Variants in MAP4 observed in about 807,000 individuals in gnomAD.
MAP4 encodes microtubule associated protein 4.
MAP4 carries 76 observed loss-of-function variants against 170.2 expected under a neutral mutation model. The observed-to-expected ratio is 0.45, with a 90% confidence interval of 0.37 to 0.54. The LOEUF (loss-of-function observed/expected upper bound fraction) is 0.54. Ranked by LOEUF, MAP4 falls within the 20% of genes least tolerant of loss-of-function variation. The pLI is 0.00. For synonymous variants in MAP4, 909 were observed against 994.5 expected (o/e 0.91, Z 1.62); for missense variants, 2,506 against 2,748.0 (o/e 0.91, Z 1.97).
intron 17 of MAP4, 86 bp downstream of exon 17, chr3:47,867,160 T>C: frequency 1.1e-6 from 1 of 916,354 alleles, no homozygotes; most frequent in African/African-American, 1.7e-5. Context: ...ACTGGGATTC[T>C]ATCTACATGG....
chr3:47,913,845 C>T (rs1290273058), intron 8 of MAP4, among the ~76,000 whole-genome samples: 1 of 151,932 alleles, frequency 6.6e-6, no homozygotes, highest in African/African-American at 2.4e-5. Flanking sequence ...GAAAAGTAAA[C>T]AGAAAATCAA....
At chr3:47,860,567 A>C (rs1199085180) in intron 17 of MAP4, among the ~76,000 whole-genome samples, 1 of 152,092 alleles carries the variant, frequency 6.6e-6, no homozygotes, top group Non-Finnish European at 1.5e-5. Flanking sequence ...TATGCAATTA[A>C]AGAATAGTTG....
At position 48,015,391 on chromosome 3, in the gene MAP4, T is replaced by C. The variant is rs541490996; in HGVS notation, c.-20+943A>G. ...ATGACATTTAAATGACAGAGAATTC[T>C]AAAGCCAACACTAAGCTGCTATCCT... On this transcript the variant is annotated intron_variant, in intron 1 of 20. Coordinates refer to ENST00000683076, the MANE Select transcript of MAP4 (RefSeq NM_001385682.1). Among the ~76,000 whole-genome samples the C allele has an allele frequency of 4.1e-3, 619 of 152,324 alleles. 2 individuals carry two copies. The highest frequency in any genetic ancestry group is 7.1e-3 in the Non-Finnish European group (481 of 68,022).
chr3:47,989,330 C>G (rs2100090786), intron 2 of MAP4, among the ~76,000 whole-genome samples: 1 of 152,230 alleles, frequency 6.6e-6, no homozygotes. Context: ...TCATTATTAA[C>G]TAAATGATCA....
intron 1 of MAP4, among the ~76,000 whole-genome samples, chr3:48,034,108 T>C (rs572149485): frequency 6.6e-6 from 1 of 152,260 alleles, no homozygotes; most frequent in East Asian, 1.9e-4. Flanking sequence ...TTTCTACATA[T>C]CAGTAGTATT....
At chr3:47,958,777 A>G (rs777827620) in intron 3 of MAP4, among the ~76,000 whole-genome samples, 1 of 148,966 alleles carries the variant, frequency 6.7e-6, no homozygotes, top group Non-Finnish European at 1.5e-5. Flanking sequence ...TCCGCCTCCC[A>G]GGTTCAAGCA....
chr3:47,942,519 C>T (rs1305082393), intron 3 of MAP4, among the ~76,000 whole-genome samples: 2 of 152,130 alleles, frequency 1.3e-5, no homozygotes, highest in African/African-American at 4.8e-5. Flanking sequence ...CATCAGCTTC[C>T]CATGTAGCAG....
chr3:47,904,821 C>T (rs375474854), intron 9 of MAP4, among the ~76,000 whole-genome samples: 20 of 147,086 alleles, frequency 1.4e-4, no homozygotes, highest in African/African-American at 5.0e-4. Flanking sequence ...AGGCATGCAA[C>T]ATCATGCGTG....
intron 17 of MAP4, among the ~76,000 whole-genome samples, chr3:47,861,067 A>G (rs2064886364): frequency 6.6e-6 from 1 of 152,222 alleles, no homozygotes; most frequent in Non-Finnish European, 1.5e-5. Context: ...CTACTAAAAA[A>G]TACAAAAGTT....
chr3:48,018,816 TA>T (rs2100109129), upstream of MAP4, among the ~76,000 whole-genome samples: 1 of 151,624 alleles, frequency 6.6e-6, no homozygotes, highest in South Asian at 2.1e-4. Flanking sequence ...AAAATAAAAA[TA>T]AAAAAGAATA....
chr3:47,909,575 C>G lies in MAP4; in HGVS notation c.4846G>C (p.Gly1616Arg). The stretch of plus-strand genomic sequence containing the variant: ...TCAGGAATCTGAACTGCAACAGACC[C>G]TTCTTTAGTCTCTTTCTCTTCATTC... ...PVNEEKETKEGSVAVQIPDLL... is the reference protein window; with the variant it reads ...PVNEEKETKERSVAVQIPDLL... The change falls in exon 9 of 21, where the codon GGG (glycine) becomes CGG (arginine). Residue 1616 changes from glycine to arginine, a missense_variant. Physicochemically the swap from Gly to Arg is moderately radical, Grantham distance 125. Coordinates refer to ENST00000683076, the MANE Select transcript of MAP4 (RefSeq NM_001385682.1). The G allele has an allele frequency of 6.2e-7, 1 of 1,612,750 alleles. No individual in the cohort carries two copies. Among genetic ancestry groups the G allele is most frequent in the Non-Finnish European group, 8.5e-7 (1 of 1,179,886 alleles).
chr3:47,930,123 T>C (rs909484032), intron 3 of MAP4, among the ~76,000 whole-genome samples: 11 of 151,840 alleles, frequency 7.2e-5, no homozygotes, highest in South Asian at 4.1e-4. Context: ...AGAGTGAGAC[T>C]GCGTCTCAAA....
intron 1 of MAP4, among the ~76,000 whole-genome samples, chr3:48,080,765 G>A (rs113730165): frequency 6.6e-6 from 1 of 152,050 alleles, no homozygotes; most frequent in Non-Finnish European, 1.5e-5. Context: ...CGGATCACGA[G>A]GTCAGGAGAT....
At chr3:47,975,792 C>CTTT (rs146740524) in intron 3 of MAP4, among the ~76,000 whole-genome samples, 1 of 143,008 alleles carries the variant, frequency 7.0e-6, no homozygotes. Flanking sequence ...AGTAAAGTAT[C>CTTT]TTTTTTTTTT....
chr3:48,037,334 C>T (rs1229240301), intron 1 of MAP4, among the ~76,000 whole-genome samples: 1 of 152,108 alleles, frequency 6.6e-6, no homozygotes, highest in African/African-American at 2.4e-5. Flanking sequence ...TGTCCATCTT[C>T]AATACTAAAA....
intron 1 of MAP4, among the ~76,000 whole-genome samples, chr3:48,039,108 A>C (rs533847849): frequency 2.2e-4 from 33 of 152,322 alleles, no homozygotes; most frequent in Middle Eastern, 3.4e-3. Flanking sequence ...TGTCTCAAAA[A>C]AAACAAACAA....
chr3:47,981,380 C>T (rs1238767578), intron 2 of MAP4, among the ~76,000 whole-genome samples: 1 of 151,758 alleles, frequency 6.6e-6, no homozygotes, highest in Non-Finnish European at 1.5e-5. Context: ...CATAGTGTGA[C>T]CCCATCTCTA....
At position 48,052,915 on chromosome 3, in the gene MAP4, C is replaced by T. The variant is rs2100128679; in HGVS notation, c.-20+35858G>A. 2.0e-5 allele frequency among the ~76,000 whole-genome samples: 3 copies of T among 152,250 alleles called. No homozygotes were observed. The South Asian group carries it at 6.2e-4, about 32-fold the overall frequency. On this transcript the variant is annotated intron_variant, in intron 1 of 18. Coordinates refer to the MAP4 transcript ENST00000360240. ...GTGTTAAATATGTTCAATAACACATCTCAAATTTATGTCTAAGAACACATT... is the reference window on the plus strand; with the variant it reads ...GTGTTAAATATGTTCAATAACACATTTCAAATTTATGTCTAAGAACACATT...
At chr3:47,925,708 G>C (rs958059632) in intron 4 of MAP4, among the ~76,000 whole-genome samples, 2 of 152,166 alleles carry the variant, frequency 1.3e-5, no homozygotes, top group African/African-American at 4.8e-5. Flanking sequence ...ATTGGTAGTT[G>C]CTTAGGGTTG....
Sources: allele counts gnomAD v4.1 joint callset (sites outside exome capture counted in the v4.1 genomes callset), GRCh38; gene constraint gnomAD v4.1.1; transcripts MANE v1.5; gene names NCBI Gene and HGNC (gene_info 2026-07-23, HGNC 2026-07-21).